PRR16: variants seen among roughly 807,000 people sequenced by gnomAD.
The protein encoded by PRR16 is proline rich 16.
PRR16 carries 6 observed loss-of-function variants against 18.2 expected under a neutral mutation model. That is an observed-to-expected ratio of 0.33 (90% CI 0.18 to 0.65). The LOEUF is 0.65. PRR16 is among the 30% of genes least tolerant of loss of function. PRR16 has a pLI of 0.74. For missense variants in PRR16, 412 were observed against 376.6 expected (o/e 1.09, Z -0.78); for synonymous variants, 151 against 147.8 (o/e 1.02, Z -0.16).
intron 1 of PRR16, among the ~76,000 whole-genome samples, chr5:120,637,392 G>C (rs111386370): frequency 9.7e-4 from 141 of 144,976 alleles, no homozygotes; most frequent in African/African-American, 3.3e-3. Flanking sequence ...TCAAAAATAT[G>C]GAACCAGCCC....
the PRR16 span, among the ~76,000 whole-genome samples, chr5:120,702,820 A>G: frequency 3.0e-4 from 45 of 152,300 alleles, no homozygotes; most frequent in Non-Finnish European, 5.3e-4. Flanking sequence ...TACCTGATTT[A>G]AAATTGGTGA....
chr5:120,762,643 C>T, the PRR16 span, among the ~76,000 whole-genome samples: 1 of 152,070 alleles, frequency 6.6e-6, no homozygotes, highest in Non-Finnish European at 1.5e-5. Flanking sequence ...TTGTTTTCTC[C>T]TGGTTGAATT....
chr5:120,697,311 T>C, the PRR16 span, among the ~76,000 whole-genome samples: 1 of 152,204 alleles, frequency 6.6e-6, no homozygotes, highest in East Asian at 1.9e-4. Flanking sequence ...ACTATGGTGA[T>C]GTAGATGGGA....
chr5:120,568,672 A>G (rs1349320583), intron 1 of PRR16, among the ~76,000 whole-genome samples: 1 of 152,132 alleles, frequency 6.6e-6, no homozygotes, highest in Non-Finnish European at 1.5e-5. Flanking sequence ...TTTGTAGTGA[A>G]CAGGGTAATA....
At chr5:120,745,608 G>A in the PRR16 span, among the ~76,000 whole-genome samples, 3 of 151,844 alleles carry the variant, frequency 2.0e-5, no homozygotes, top group Non-Finnish European at 4.4e-5. Flanking sequence ...TTGATTTTAT[G>A]GCCTCCAGTG....
intron 1 of PRR16, among the ~76,000 whole-genome samples, chr5:120,673,945 C>A (rs1756704092): frequency 1.1e-5 from 1 of 91,536 alleles, no homozygotes. Flanking sequence ...CAGAGTGAGA[C>A]CCTTTCTCAA....
the PRR16 span, among the ~76,000 whole-genome samples, chr5:120,793,869 A>G: frequency 6.6e-6 from 1 of 152,122 alleles, no homozygotes; most frequent in South Asian, 2.1e-4. Context: ...TGTACAACAA[A>G]TTACTGTATT....
chr5:120,589,918 T>C (rs1753575949), intron 1 of PRR16, among the ~76,000 whole-genome samples: 1 of 152,080 alleles, frequency 6.6e-6, no homozygotes, highest in Non-Finnish European at 1.5e-5. Flanking sequence ...GATTTGGAAT[T>C]TGCTTGCCAA....
chr5:120,519,103 A>G (rs145077414), intron 1 of PRR16, among the ~76,000 whole-genome samples: 1,599 of 152,162 alleles, frequency 0.011, 12 homozygotes, highest in Admixed American at 0.016. Context: ...GAGGGAGTAT[A>G]CCTTCTTATT....
chr5:120,761,297 T>A, the PRR16 span, among the ~76,000 whole-genome samples: 1 of 152,084 alleles, frequency 6.6e-6, no homozygotes, highest in Non-Finnish European at 1.5e-5. Flanking sequence ...ACTTTGCTGA[T>A]TACATCCCCA....
At chr5:120,583,561 A>C (rs1753344110) in intron 1 of PRR16, among the ~76,000 whole-genome samples, 1 of 152,188 alleles carries the variant, frequency 6.6e-6, no homozygotes, top group Admixed American at 6.5e-5. Context: ...TTCTTTATGG[A>C]CCATGACTGG....
At chr5:120,742,513 T>C in the PRR16 span, among the ~76,000 whole-genome samples, 2 of 147,394 alleles carry the variant, frequency 1.4e-5, no homozygotes, top group Non-Finnish European at 3.0e-5. Flanking sequence ...TTAGTTTTAT[T>C]TTTGCTTTAA....
intron 1 of PRR16, among the ~76,000 whole-genome samples, chr5:120,652,991 T>G (rs1006378070): frequency 2.6e-5 from 4 of 152,082 alleles, no homozygotes; most frequent in African/African-American, 9.6e-5. Context: ...ACAGTGCAGA[T>G]ATATTTCATC....
At chr5:120,736,715 C>G in the PRR16 span, among the ~76,000 whole-genome samples, 1 of 151,904 alleles carries the variant, frequency 6.6e-6, no homozygotes, top group Admixed American at 6.6e-5. Flanking sequence ...TTTCAATCAT[C>G]TCATGAACAT....
chr5:120,764,984 A>G, the PRR16 span, among the ~76,000 whole-genome samples: 10 of 147,256 alleles, frequency 6.8e-5, no homozygotes, highest in African/African-American at 2.4e-4. Context: ...ATGACTGCAA[A>G]AGACTGAAGA....
intron 1 of PRR16, among the ~76,000 whole-genome samples, chr5:120,470,665 A>T (rs1465696385): frequency 6.6e-6 from 1 of 152,138 alleles, no homozygotes; most frequent in Non-Finnish European, 1.5e-5. Flanking sequence ...TATCTAACAG[A>T]GGTCTTACTC....
chr5:120,550,324 T>G (rs1580714093), intron 1 of PRR16, among the ~76,000 whole-genome samples: 1 of 152,170 alleles, frequency 6.6e-6, no homozygotes, highest in Admixed American at 6.6e-5. Context: ...TAGAAATTAC[T>G]TGACTGTAAC....
the PRR16 span, among the ~76,000 whole-genome samples, chr5:120,772,938 G>A: frequency 6.6e-6 from 1 of 151,962 alleles, no homozygotes; most frequent in African/African-American, 2.4e-5. Context: ...TAGACATTTT[G>A]GACTTTTGAT....
At chr5:120,729,763 A>G in the PRR16 span, among the ~76,000 whole-genome samples, 1 of 152,170 alleles carries the variant, frequency 6.6e-6, no homozygotes, top group Non-Finnish European at 1.5e-5. Context: ...ATGAGCGAAG[A>G]CAGGGAATGA....
Sources: gnomAD v4.1 joint callset for allele counts (sites outside exome capture counted in the v4.1 genomes callset) on GRCh38, gnomAD v4.1.1 for gene constraint, MANE v1.5 for transcripts, NCBI Gene and HGNC (gene_info 2026-07-23, HGNC 2026-07-21) for gene names.